The following FAT4 variants were observed in gnomAD, a reference collection of about 807,000 sequenced individuals.
FAT4 encodes the protein protocadherin Fat 4.
FAT4 carries 84 observed loss-of-function variants against 303.9 expected under a neutral mutation model. The ratio of observed to expected loss-of-function variants is 0.28; its 90% CI spans 0.23 to 0.33. The LOEUF (loss-of-function observed/expected upper bound fraction) is 0.33. Among genes scored for constraint, FAT4 ranks in the 10% least tolerant of loss-of-function variants. FAT4 has a pLI of 1.00. For synonymous variants in FAT4, 2,307 were observed against 2,298.8 expected (o/e 1.00, Z -0.10); for missense variants, 6,005 against 6,146.8 (o/e 0.98, Z 0.77).
intron 2 of FAT4, among the ~76,000 whole-genome samples, chr4:125,357,506 A>T (rs1732478364): frequency 6.6e-6 from 1 of 152,276 alleles, no homozygotes; most frequent in African/African-American, 2.4e-5. Context: ...TGATTTTACT[A>T]ATATGGTCAT....
intron 12 of FAT4, among the ~76,000 whole-genome samples, chr4:125,471,008 C>T (rs529663033): frequency 1.3e-5 from 2 of 152,196 alleles, no homozygotes; most frequent in African/African-American, 2.4e-5. Context: ...CACTTAGAGG[C>T]CATTGTAGGG....
chr4:125,351,543 TTCTC>T (rs1293976188), intron 2 of FAT4, among the ~76,000 whole-genome samples: 1 of 151,720 alleles, frequency 6.6e-6, no homozygotes, highest in Non-Finnish European at 1.5e-5. Flanking sequence ...GTCTGTGCAT[TTCTC>T]TCTGTCTTCA....
chr4:125,437,107 C>T (rs145050452), intron 8 of FAT4, among the ~76,000 whole-genome samples: 40 of 152,132 alleles, frequency 2.6e-4, no homozygotes, highest in Admixed American at 2.1e-3. Context: ...TGCCCACTTC[C>T]GCCTTCCAAA....
chr4:125,396,293 C>T (rs1318286494), intron 2 of FAT4, among the ~76,000 whole-genome samples: 1 of 151,924 alleles, frequency 6.6e-6, no homozygotes, highest in Non-Finnish European at 1.5e-5. Context: ...TATGTATCTA[C>T]ATACACATAT....
rs1468853363 is a variant in FAT4 at position 125,492,677 on chromosome 4, CACTT to C, written c.*914_*917del. ...TAATTTATATGAAATCAGATTTCAA[CACTT>C]ACTTTGTCATTTTGTAGATCATTTT... On this transcript the variant is annotated 3_prime_UTR_variant, in exon 18 of 18. Transcript: ENST00000394329. The C allele has an allele frequency of 6.6e-6, 1 of 152,538 alleles. No homozygotes were observed. Among genetic ancestry groups the C allele is most frequent in the East Asian group, 1.9e-4 (1 of 5,190 alleles). The allele number at this position is 152,538 out of a possible 1,614,324, so 9.4% of individuals were successfully genotyped here. A position where few individuals can be genotyped will look rare whatever the true frequency, so the allele number is the denominator to read the frequency against.
At chr4:125,482,662 T>C (rs1727269464) in intron 16 of FAT4, among the ~76,000 whole-genome samples, 1 of 152,154 alleles carries the variant, frequency 6.6e-6, no homozygotes, top group African/African-American at 2.4e-5. Flanking sequence ...TATTAGTCAA[T>C]ATTTAATAAC....
intron 2 of FAT4, among the ~76,000 whole-genome samples, chr4:125,369,706 G>A (rs1048667168): frequency 5.9e-5 from 9 of 152,050 alleles, no homozygotes; most frequent in East Asian, 5.8e-4. Flanking sequence ...AACTGTAGCC[G>A]TCATCTATCT....
At chr4:125,412,316 G>A (rs191648488) in intron 5 of FAT4, among the ~76,000 whole-genome samples, 17 of 151,782 alleles carry the variant, frequency 1.1e-4, no homozygotes, top group Admixed American at 4.6e-4. Context: ...TCCATGACCT[G>A]TAATTGCAGC....
intron 12 of FAT4, among the ~76,000 whole-genome samples, chr4:125,474,826 G>A (rs1726973127): frequency 6.6e-6 from 1 of 151,988 alleles, no homozygotes; most frequent in Non-Finnish European, 1.5e-5. Context: ...CATTCCTAAT[G>A]AAAGTGGCCT....
intron 2 of FAT4, among the ~76,000 whole-genome samples, chr4:125,329,359 G>T (rs1220592960): frequency 3.9e-5 from 6 of 152,170 alleles, no homozygotes; most frequent in Admixed American, 1.3e-4. Context: ...CTAATCTAAA[G>T]AATATTTGAC....
chr4:125,375,901 A>T (rs576903323), intron 2 of FAT4, among the ~76,000 whole-genome samples: 1 of 151,834 alleles, frequency 6.6e-6, no homozygotes, highest in African/African-American at 2.4e-5. Flanking sequence ...GCAAAACTGC[A>T]TTTTTTTTGC....
chr4:125,327,964 G>T (rs1578525711), intron 2 of FAT4, among the ~76,000 whole-genome samples: 1 of 152,230 alleles, frequency 6.6e-6, no homozygotes. Flanking sequence ...AGGCCCTGAG[G>T]TGGGTTCTGT....
intron 2 of FAT4, among the ~76,000 whole-genome samples, chr4:125,390,489 A>G (rs1053309052): frequency 1.3e-5 from 2 of 152,210 alleles, no homozygotes; most frequent in Non-Finnish European, 2.9e-5. Flanking sequence ...TCAACTCCTC[A>G]CTTGAGATTC....
Position 125,340,560 on chromosome 4 carries a change from G to T in FAT4, c.5175+18974G>T, listed in dbSNP as rs375289781. ...CGCCACCACGCCCGGCTAATTTTTTGTGTTTTTAGTAGAGACGGGGTTTCA... is the reference window on the plus strand; with the variant it reads ...CGCCACCACGCCCGGCTAATTTTTTTTGTTTTTAGTAGAGACGGGGTTTCA... On this transcript the variant is annotated intron_variant, in intron 2 of 17. Coordinates refer to ENST00000394329, the MANE Select transcript of FAT4 (RefSeq NM_001291303.3). 3.3e-5 allele frequency among the ~76,000 whole-genome samples: 5 copies of T among 152,192 alleles called. No individual in the cohort carries two copies. In the East Asian group the frequency reaches 7.7e-4, roughly 24 times the overall value.
At chr4:125,423,935 T>C (rs1724995014) in intron 7 of FAT4, among the ~76,000 whole-genome samples, 1 of 152,244 alleles carries the variant, frequency 6.6e-6, no homozygotes, top group Non-Finnish European at 1.5e-5. Flanking sequence ...TTCTCCCATT[T>C]GGAATGGGTG....
chr4:125,433,699 G>A (rs1725354499), intron 7 of FAT4, among the ~76,000 whole-genome samples: 1 of 152,162 alleles, frequency 6.6e-6, no homozygotes, highest in African/African-American at 2.4e-5. Context: ...CTAGCACGTA[G>A]AAGATAACAC....
rs754553699 is a variant in FAT4, at chr4:125,407,154, T to A, written c.5569+13T>A. On this transcript the variant is annotated intron_variant, in intron 4 of 17. Transcript: ENST00000394329. ...GACACAATCCCTGGTAGGTGATGGGTCTCTTATGTGTATTTTGCAAGAATC... is the reference window on the plus strand; with the variant it reads ...GACACAATCCCTGGTAGGTGATGGGACTCTTATGTGTATTTTGCAAGAATC... The A allele has an allele frequency of 2.5e-6, 4 of 1,602,904 alleles. No homozygotes were observed. In the South Asian group the frequency reaches 3.3e-5, roughly 13 times the overall value.
chr4:125,480,134 A>G (rs1479739175), intron 15 of FAT4, among the ~76,000 whole-genome samples: 1 of 152,006 alleles, frequency 6.6e-6, no homozygotes, highest in Non-Finnish European at 1.5e-5. Flanking sequence ...TGTTTGTTTT[A>G]TTTCTTAGAA....
intron 13 of FAT4, among the ~76,000 whole-genome samples, chr4:125,476,556 G>A (rs1422034808): frequency 6.6e-6 from 1 of 152,004 alleles, no homozygotes; most frequent in East Asian, 1.9e-4. Flanking sequence ...AAAACATGTA[G>A]GATAAAGACC....
Sources: gnomAD v4.1 joint callset for allele counts (sites outside exome capture counted in the v4.1 genomes callset) on GRCh38, gnomAD v4.1.1 for gene constraint, MANE v1.5 for transcripts, NCBI Gene and HGNC (gene_info 2026-07-23, HGNC 2026-07-21) for gene names.